Variants in TTC39C observed in about 807,000 individuals in gnomAD.
TTC39C encodes tetratricopeptide repeat protein 39C.
Under a neutral mutation model 76.3 loss-of-function variants are expected in TTC39C, and 33 were observed. The observed-to-expected ratio is 0.43, with a 90% CI of 0.33 to 0.58. The LOEUF (loss-of-function observed/expected upper bound fraction) is 0.58, where lower values mean the gene tolerates loss of function less well. Among genes scored for constraint, TTC39C ranks in the 20% least tolerant of loss-of-function variants. The pLI, the probability that TTC39C is intolerant of heterozygous loss-of-function variation, is 0.04. For missense variants in TTC39C, 595 were observed against 701.4 expected, an observed-to-expected ratio of 0.85 and a Z score of 1.71; for synonymous variants, 254 against 260.6, an observed-to-expected ratio of 0.97 and a Z score of 0.24.
At chr18:24,016,213 C>T (rs989484130) in intron 1 of TTC39C, among the ~76,000 whole-genome samples, 1 of 152,146 alleles carries the variant, frequency 6.6e-6, no homozygotes, top group Non-Finnish European at 1.5e-5. Context: ...ATTTTTTCCC[C>T]CCTTTGGTCT....
intron 1 of TTC39C, among the ~76,000 whole-genome samples, chr18:23,996,793 G>T (rs1161323036): frequency 1.3e-5 from 2 of 152,212 alleles, no homozygotes; most frequent in Admixed American, 6.5e-5. Flanking sequence ...CCACTTCAGG[G>T]CATAGGTGGA....
chr18:24,122,995 A>C (rs1320465560), intron 8 of TTC39C, among the ~76,000 whole-genome samples: 1 of 152,084 alleles, frequency 6.6e-6, no homozygotes, highest in Non-Finnish European at 1.5e-5. Context: ...TTGTAATTTC[A>C]GTTTCTTTAG....
At chr18:24,126,653 T>G (rs983070567) in intron 10 of TTC39C, among the ~76,000 whole-genome samples, 2 of 151,806 alleles carry the variant, frequency 1.3e-5, no homozygotes. Flanking sequence ...ATTTTTTTTT[T>G]TTTTTTAGTT....
chr18:24,003,136 T>A (rs2083326718), intron 1 of TTC39C, among the ~76,000 whole-genome samples: 1 of 152,146 alleles, frequency 6.6e-6, no homozygotes, highest in Non-Finnish European at 1.5e-5. Flanking sequence ...TGCCTCACTC[T>A]CTATACTCTA....
intron 6 of TTC39C, among the ~76,000 whole-genome samples, chr18:24,088,492 G>T (rs2084474632): frequency 6.6e-6 from 1 of 152,206 alleles, no homozygotes; most frequent in Non-Finnish European, 1.5e-5. Flanking sequence ...TTGCAGTAAA[G>T]GCTAGGGAGT....
Position 24,014,989 on chromosome 18 carries a change from C to A in TTC39C, c.118C>A (p.Leu40Met), listed in dbSNP as rs954358418. ...GCTGGCCCTGGCCGGCATCAACATG[C>A]TGCTCAACAACGGCTTCAGGGAGTC... ...AELALAGINM[L>M]LNNGFRESDQ... Residue 40 changes from leucine (L) to methionine (M), a missense_variant, in exon 1 of 14, where the codon CTG (leucine) becomes ATG (methionine). By Grantham distance (15) the Leu-to-Met change is conservative. Coordinates refer to ENST00000317571, the MANE Select transcript of TTC39C (RefSeq NM_001135993.2). 1 of 1,527,944 alleles carries A rather than the reference C, an allele frequency of 6.5e-7. No individual in the cohort carries two copies. Among genetic ancestry groups the A allele is most frequent in the Non-Finnish European group, 8.8e-7 (1 of 1,137,604 alleles). 94.6% of individuals were successfully genotyped at this position (1,527,944 alleles called of 1,614,324 possible).
At chr18:24,103,516 G>A (rs1390485568) in intron 6 of TTC39C, among the ~76,000 whole-genome samples, 1 of 152,152 alleles carries the variant, frequency 6.6e-6, no homozygotes, top group Non-Finnish European at 1.5e-5. Context: ...TCTGGTTCTT[G>A]GGAACTCACT....
At chr18:24,055,257 C>T (rs944767773) in intron 1 of TTC39C, among the ~76,000 whole-genome samples, 4 of 152,088 alleles carry the variant, frequency 2.6e-5, no homozygotes, top group Non-Finnish European at 2.9e-5. Context: ...GTGTATATGC[C>T]TAGAAGTGGA....
At position 24,062,167 on chromosome 18, in the gene TTC39C, T is replaced by C. The variant is rs1261086516; in HGVS notation, c.168-1973T>C. On this transcript the variant is annotated intron_variant, in intron 1 of 13. Transcript: ENST00000317571. ...GGGCCAGGTTAGGTACCATGAATAA[T>C]TAATTGCCGCAGCTCTCAGAAACCT... is the stretch of plus-strand genomic sequence containing the variant. Among the ~76,000 whole-genome samples the C allele has an allele frequency of 2.0e-5, 3 of 152,160 alleles. No homozygotes were observed. In the East Asian group the frequency reaches 5.8e-4, roughly 29 times the overall value.
exon 1 of TTC39C, chr18:23,992,968 A>G (rs2083231589): frequency 2.0e-5 from 3 of 152,250 alleles, no homozygotes. Flanking sequence ...CTATCCTGCC[A>G]CTGGCTCAGA....
At chr18:24,132,416 C>A in intron 13 of TTC39C, 69 bp from the exon 14 acceptor site, 1 of 1,397,802 alleles carries the variant, frequency 7.2e-7, no homozygotes, top group Non-Finnish European at 1.0e-6. Flanking sequence ...ATTGAGTGTG[C>A]TTTATACCAC....
intron 4 of TTC39C, 130 bp downstream of exon 4, chr18:24,069,401 T>G: frequency 1.4e-6 from 1 of 734,352 alleles, no homozygotes; most frequent in South Asian, 1.9e-5. Flanking sequence ...TGATACTGAT[T>G]TATTACTGGG....
intron 1 of TTC39C, among the ~76,000 whole-genome samples, chr18:24,047,491 G>A (rs1194456787): frequency 1.3e-5 from 2 of 152,138 alleles, no homozygotes; most frequent in East Asian, 1.9e-4. Context: ...GTATTTAATA[G>A]CACTTCTTCT....
At chr18:24,131,967 T>C (rs1388876900) in intron 13 of TTC39C, 47 bp downstream of exon 13, 2 of 1,550,994 alleles carry the variant, frequency 1.3e-6, no homozygotes, top group Admixed American at 3.5e-5. Flanking sequence ...TCTTATCCCA[T>C]ACACTGTATA....
At chr18:24,045,893 A>ATATATATATATATGTATATGTATATG (rs1568417185) in intron 1 of TTC39C, among the ~76,000 whole-genome samples, 1 of 42,176 alleles carries the variant, frequency 2.4e-5, no homozygotes, top group African/African-American at 1.3e-4. Context: ...TTCTGTGAAA[A>ATATATATATATATGTATATGTATATG]TATATATATA....
At chr18:24,064,936 A>C (rs2084147503) in intron 2 of TTC39C, among the ~76,000 whole-genome samples, 1 of 152,224 alleles carries the variant, frequency 6.6e-6, no homozygotes. Context: ...ATTGCCAGTT[A>C]ATGCAACAAA....
intron 1 of TTC39C, among the ~76,000 whole-genome samples, chr18:24,026,879 C>T (rs1392207825): frequency 6.6e-6 from 1 of 152,208 alleles, no homozygotes; most frequent in Non-Finnish European, 1.5e-5. Flanking sequence ...ATATTTATAT[C>T]ATTCTGTCTC....
intron 4 of TTC39C, among the ~76,000 whole-genome samples, chr18:24,078,071 C>T (rs1002707478): frequency 2.0e-5 from 3 of 152,102 alleles, no homozygotes; most frequent in Non-Finnish European, 2.9e-5. Flanking sequence ...TTAAGTAGAA[C>T]GAATGAAAAG....
At chr18:24,056,354 G>GT (rs1568421267) in intron 1 of TTC39C, among the ~76,000 whole-genome samples, 2 of 152,112 alleles carry the variant, frequency 1.3e-5, no homozygotes, top group African/African-American at 4.8e-5. Context: ...GGGGAGAAAA[G>GT]TATTTTGGAA....
Sources: allele counts gnomAD v4.1 joint callset (sites outside exome capture counted in the v4.1 genomes callset), GRCh38; gene constraint gnomAD v4.1.1; transcripts MANE v1.5; gene names NCBI Gene and HGNC (gene_info 2026-07-23, HGNC 2026-07-21).